Variants in PHACTR1 observed in about 807,000 individuals in gnomAD.
The protein encoded by PHACTR1 is phosphatase and actin regulator 1.
PHACTR1 carries 16 observed loss-of-function variants against 69.2 expected under a neutral mutation model. The ratio of observed to expected loss-of-function variants is 0.23; its 90% CI spans 0.16 to 0.35. PHACTR1 has a LOEUF of 0.35. Ranked by LOEUF, PHACTR1 falls within the 10% of genes least tolerant of loss-of-function variation. The probability of loss-of-function intolerance (pLI) is 1.00; values close to 1 mark genes in which losing one functional copy is unlikely to be tolerated. For missense variants in PHACTR1, 510 were observed against 734.7 expected (o/e 0.69, Z 3.54); for synonymous variants, 312 against 284.5 (o/e 1.10, Z -0.97).
chr6:13,034,551 G>A (rs984598475), intron 4 of PHACTR1, among the ~76,000 whole-genome samples: 3 of 152,184 alleles, frequency 2.0e-5, no homozygotes, highest in African/African-American at 7.2e-5. Context: ...TTCTCCCCCA[G>A]TGGACATGTG....
chr6:12,916,540 GTT>G (rs10586172), intron 4 of PHACTR1, among the ~76,000 whole-genome samples: 63,970 of 133,210 alleles, frequency 0.48, 16,173 homozygotes, highest in East Asian at 0.79. Context: ...GGCATGGACT[GTT>G]TTTTTTTTTT....
chr6:13,019,723 A>C (rs1422849842), intron 4 of PHACTR1, among the ~76,000 whole-genome samples: 1 of 152,252 alleles, frequency 6.6e-6, no homozygotes, highest in Non-Finnish European at 1.5e-5. Context: ...ATTTGTCTAA[A>C]GGAGATAAAA....
chr6:13,241,533 G>A (rs1247067342), intron 10 of PHACTR1, among the ~76,000 whole-genome samples: 3 of 152,152 alleles, frequency 2.0e-5, no homozygotes, highest in Non-Finnish European at 4.4e-5. Flanking sequence ...AGCTGGACCT[G>A]AGCTTGAAAG....
chr6:12,916,871 A>G (rs1787071368), intron 4 of PHACTR1, among the ~76,000 whole-genome samples: 1 of 152,174 alleles, frequency 6.6e-6, no homozygotes, highest in Non-Finnish European at 1.5e-5. Context: ...AGAATTGGAT[A>G]TTTCTGGGCC....
chr6:13,057,580 G>A (rs931292591), intron 5 of PHACTR1, among the ~76,000 whole-genome samples: 10 of 152,048 alleles, frequency 6.6e-5, no homozygotes, highest in Admixed American at 5.2e-4. Context: ...TTGTTACAGG[G>A]GCTTATGTGT....
intron 5 of PHACTR1, among the ~76,000 whole-genome samples, chr6:13,110,517 C>G (rs909523468): frequency 2.0e-5 from 3 of 152,180 alleles, no homozygotes; most frequent in Non-Finnish European, 2.9e-5. Flanking sequence ...GCTAAAAACG[C>G]AGGAGGATTT....
chr6:12,840,973 C>G (rs980710906), intron 4 of PHACTR1, among the ~76,000 whole-genome samples: 1 of 152,214 alleles, frequency 6.6e-6, no homozygotes, highest in Non-Finnish European at 1.5e-5. Flanking sequence ...TGGGGCACAA[C>G]CTTAAATAGG....
At chr6:13,204,629 G>T (rs933831276) in intron 7 of PHACTR1, among the ~76,000 whole-genome samples, 2 of 152,190 alleles carry the variant, frequency 1.3e-5, no homozygotes, top group African/African-American at 4.8e-5. Context: ...GTTGGTCCTA[G>T]GTAGGTTCCA....
At chr6:13,177,217 G>T (rs1478658302) in intron 6 of PHACTR1, among the ~76,000 whole-genome samples, 2 of 139,236 alleles carry the variant, frequency 1.4e-5, no homozygotes, top group Admixed American at 7.1e-5. Context: ...AGGCATGGTA[G>T]TGTGCACCTG....
intron 5 of PHACTR1, among the ~76,000 whole-genome samples, chr6:13,072,435 A>G (rs1405257560): frequency 6.6e-6 from 1 of 152,006 alleles, no homozygotes; most frequent in East Asian, 1.9e-4. Flanking sequence ...ACAAAAATGC[A>G]CCCTTAATTC....
intron 5 of PHACTR1, among the ~76,000 whole-genome samples, chr6:13,129,456 G>A (rs898053462): frequency 6.6e-6 from 1 of 152,028 alleles, no homozygotes; most frequent in African/African-American, 2.4e-5. Flanking sequence ...AGGTAAAGGA[G>A]TAGAAAAAGA....
intron 4 of PHACTR1, among the ~76,000 whole-genome samples, chr6:12,880,391 A>G (rs1782969140): frequency 6.6e-6 from 1 of 152,018 alleles, no homozygotes; most frequent in African/African-American, 2.4e-5. Flanking sequence ...TCCCTGTCAG[A>G]GACTTGATAC....
intron 4 of PHACTR1, among the ~76,000 whole-genome samples, chr6:12,928,903 G>A (rs1029104314): frequency 2.9e-4 from 44 of 152,328 alleles, no homozygotes; most frequent in African/African-American, 9.6e-4. Context: ...GGAGAAGAGA[G>A]GGAAGCGAGG....
In PHACTR1 at chr6:12,985,323, G is replaced by A. The variant is rs115917248; in HGVS notation, c.251-68042G>A. On this transcript the variant is annotated intron_variant, in intron 4 of 14. Transcript: ENST00000332995. The stretch of plus-strand genomic sequence containing the variant: ...TTGAGAAATTAACCTGTAGAGACTA[G>A]ATTTTGCATGGGCTCAAATAGCAGG... Among the ~76,000 whole-genome samples the A allele has an allele frequency of 4.5e-3, 684 of 152,044 alleles. 9 individuals are homozygous for A. The highest frequency in any genetic ancestry group is 0.016 in the African/African-American group (665 of 41,476).
At chr6:13,210,266 C>T (rs1166310369) in intron 8 of PHACTR1, among the ~76,000 whole-genome samples, 2 of 152,140 alleles carry the variant, frequency 1.3e-5, no homozygotes, top group African/African-American at 2.4e-5. Context: ...CATCCTGCCT[C>T]AGCCTCCCAA....
intron 4 of PHACTR1, among the ~76,000 whole-genome samples, chr6:13,026,789 G>A (rs926039475): frequency 1.5e-4 from 23 of 152,044 alleles, no homozygotes; most frequent in African/African-American, 4.6e-4. Context: ...TCCTCACCCC[G>A]TGCCCAGCCA....
At chr6:13,115,494 G>A (rs1817685390) in intron 5 of PHACTR1, among the ~76,000 whole-genome samples, 1 of 152,090 alleles carries the variant, frequency 6.6e-6, no homozygotes, top group South Asian at 2.1e-4. Flanking sequence ...TTCTACCCAT[G>A]TCTTACTTAG....
At chr6:12,725,179 CTT>C (rs1262048504) in intron 3 of PHACTR1, among the ~76,000 whole-genome samples, 1 of 152,174 alleles carries the variant, frequency 6.6e-6, no homozygotes, top group Non-Finnish European at 1.5e-5. Flanking sequence ...CACCTCCACT[CTT>C]TGCCCACTCT....
chr6:13,282,495 TC>T lies in PHACTR1; in HGVS notation c.1510-924del, dbSNP rs3215448. On this transcript the variant is annotated intron_variant, in intron 12 of 14. Transcript: ENST00000332995. ...CCATCCAAAGGGCTGGTCCTGAGTC[TC>T]CCTTGGCATAAATGTGGCCTTTTTC... Among the ~76,000 whole-genome samples, 612 of 152,234 alleles carry T rather than the reference TC, an allele frequency of 4.0e-3. 24 individuals are homozygous for T. In the East Asian group the frequency reaches 0.088, roughly 22 times the overall value.
Sources: allele counts gnomAD v4.1 joint callset (sites outside exome capture counted in the v4.1 genomes callset), GRCh38; gene constraint gnomAD v4.1.1; transcripts MANE v1.5; gene names NCBI Gene and HGNC (gene_info 2026-07-23, HGNC 2026-07-21).